SLC10A2: variants seen among roughly 807,000 people sequenced by gnomAD.
SLC10A2 encodes the protein solute carrier family 10 member 2.
A neutral mutation model predicts 27.1 loss-of-function variants in SLC10A2; 34 were observed. The ratio of observed to expected loss-of-function variants is 1.26; its 90% CI spans 0.96 to 1.67. The LOEUF (loss-of-function observed/expected upper bound fraction) is 1.67, where lower values mean the gene tolerates loss of function less well. Among genes scored for constraint, SLC10A2 ranks in the 40% most tolerant of loss-of-function variants. The pLI is 0.00. For missense variants in SLC10A2, 530 were observed against 444.4 expected (o/e 1.19, Z -1.73); for synonymous variants, 205 against 174.0 (o/e 1.18, Z -1.40).
chr13:103,065,647 G>A (rs1876249561), intron 1 of SLC10A2, among the ~76,000 whole-genome samples: 1 of 152,088 alleles, frequency 6.6e-6, no homozygotes, highest in Admixed American at 6.5e-5. Flanking sequence ...GCAACTCCCT[G>A]TTAACTGAGT....
At position 103,046,146 on chromosome 13, in the gene SLC10A2, G is replaced by C; in HGVS notation, c.1034C>G (p.Pro345Arg). The C allele has an allele frequency of 1.2e-6, 2 of 1,613,780 alleles. No homozygotes were observed. Among genetic ancestry groups the C allele is most frequent in the Non-Finnish European group, 1.7e-6 (2 of 1,179,832 alleles). Residue 345 changes from proline (P) to arginine (R), a missense_variant, in exon 6 of 6, where the codon CCT (proline) becomes CGT (arginine). Physicochemically the swap from Pro to Arg is moderately radical, Grantham distance 103. Transcript: ENST00000245312. ...TCCACTTGATGTCTACTTTTCGTCA[G>C]GTTGAAATCCTCCATTTGCCTTATA... is the stretch of plus-strand genomic sequence containing the variant. ...SFYKANGGFQ[P>R]DEK
intron 2 of SLC10A2, among the ~76,000 whole-genome samples, chr13:103,056,901 A>T (rs1288815080): frequency 6.6e-6 from 1 of 152,186 alleles, no homozygotes; most frequent in Non-Finnish European, 1.5e-5. Context: ...GGCTACAAAC[A>T]TTGTAATACA....
At chr13:103,054,891 A>G (rs773287036) in intron 2 of SLC10A2, among the ~76,000 whole-genome samples, 6 of 152,062 alleles carry the variant, frequency 3.9e-5, no homozygotes, top group Non-Finnish European at 7.3e-5. Context: ...TCATATGCCC[A>G]TGTTCTCTCT....
At chr13:103,060,631 C>T (rs1876088038) in intron 1 of SLC10A2, among the ~76,000 whole-genome samples, 1 of 152,124 alleles carries the variant, frequency 6.6e-6, no homozygotes, top group Admixed American at 6.5e-5. Context: ...TCGCCTAGGC[C>T]TTCCAAAGTG....
In SLC10A2 at chr13:103,044,838, T is replaced by C. The variant is rs1203022043; in HGVS notation, c.*1295A>G. ...CAGAATGAGGGAAAGGAAATTAAAT[T>C]CGATCTTATAATTGAAAGTCCAACA... On this transcript the variant is annotated 3_prime_UTR_variant, in exon 6 of 6. Coordinates refer to ENST00000245312, the MANE Select transcript of SLC10A2 (RefSeq NM_000452.3). The C allele has an allele frequency of 1.3e-5, 2 of 152,152 alleles. No homozygotes were observed. Among genetic ancestry groups the C allele is most frequent in the Non-Finnish European group, 2.9e-5 (2 of 68,030 alleles). The allele number at this position is 152,152 out of a possible 1,614,324, so 9.4% of individuals were successfully genotyped here. A position where few individuals can be genotyped will look rare whatever the true frequency, so the allele number is the denominator to read the frequency against.
At chr13:103,061,283 G>T (rs1236678470) in intron 1 of SLC10A2, among the ~76,000 whole-genome samples, 1 of 152,084 alleles carries the variant, frequency 6.6e-6, no homozygotes, top group Non-Finnish European at 1.5e-5. Flanking sequence ...AAGTACTGGA[G>T]TTTGAAGGTA....
chr13:103,055,123 C>G (rs973264038), intron 2 of SLC10A2, among the ~76,000 whole-genome samples: 1 of 152,168 alleles, frequency 6.6e-6, no homozygotes, highest in African/African-American at 2.4e-5. Flanking sequence ...ACTGTGGGAA[C>G]TGTGCAAATC....
Position 103,058,344 on chromosome 13 carries a change from C to T in SLC10A2, c.416G>A (p.Gly139Glu), listed in dbSNP as rs372818504. The part of the protein sequence containing the change: ...MTTCSTLLAL[G>E]MMPLCLLIYT... ...GATAAGGAGGCACAGCGGCATCATT[C>T]CGAGGGCAAGCAGTGTGGAGCATGT... is the stretch of plus-strand genomic sequence containing the variant. The change falls in exon 2 of 6, where the codon GGA becomes GAA. Residue 139 changes from glycine to glutamate, a missense_variant. Coordinates refer to ENST00000245312, the MANE Select transcript of SLC10A2 (RefSeq NM_000452.3). 3 of 1,613,776 alleles carry T rather than the reference C, an allele frequency of 1.9e-6. No homozygotes were observed. Among genetic ancestry groups the T allele is most frequent in the African/African-American group, 1.3e-5 (1 of 74,904 alleles).
chr13:103,049,556 T>C, intron 4 of SLC10A2, 110 bp from the exon 5 acceptor site: 1 of 1,087,170 alleles, frequency 9.2e-7, no homozygotes, highest in Non-Finnish European at 1.4e-6. Flanking sequence ...CTGCTTTTAA[T>C]GCATGTATTT....
chr13:103,058,635 G>A (rs996849277), intron 1 of SLC10A2, among the ~76,000 whole-genome samples: 1 of 152,074 alleles, frequency 6.6e-6, no homozygotes, highest in South Asian at 2.1e-4. Flanking sequence ...ATAGGCCCCA[G>A]TGTCTGTGTT....
intron 3 of SLC10A2, 121 bp from the exon 4 acceptor site, chr13:103,051,553 CT>C: frequency 9.3e-7 from 1 of 1,072,130 alleles, no homozygotes; most frequent in Non-Finnish European, 1.4e-6. Context: ...ATAAAGTTGT[CT>C]TTCTATGTAC....
At position 103,051,447 on chromosome 13, in the gene SLC10A2, A is replaced by T; in HGVS notation, c.586-15T>A. On this transcript the variant is annotated splice_polypyrimidine_tract_variant and intron_variant, in intron 3 of 5. Transcript: ENST00000245312. ...ATGGACCCAATCTGAAAAAAAAAGGAATAAGTGAACCCAGCAATCATGAGT... is the reference window on the plus strand; with the variant it reads ...ATGGACCCAATCTGAAAAAAAAAGGTATAAGTGAACCCAGCAATCATGAGT... 6.2e-7 allele frequency: 1 copy of T among 1,613,412 alleles called. No homozygotes were observed. Among genetic ancestry groups the T allele is most frequent in the Non-Finnish European group, 8.5e-7 (1 of 1,179,602 alleles).
At chr13:103,063,769 C>G (rs1267196531) in intron 1 of SLC10A2, among the ~76,000 whole-genome samples, 1 of 152,132 alleles carries the variant, frequency 6.6e-6, no homozygotes, top group Non-Finnish European at 1.5e-5. Context: ...GTGACATCTT[C>G]TTGTGTTTGT....
At chr13:103,053,888 G>C (rs1297238398) in intron 2 of SLC10A2, among the ~76,000 whole-genome samples, 2 of 152,066 alleles carry the variant, frequency 1.3e-5, no homozygotes, top group African/African-American at 4.8e-5. Flanking sequence ...GGAGTAAGGA[G>C]GGAATAATGG....
In SLC10A2 at chr13:103,052,037, C is replaced by T. The variant is rs751529765; in HGVS notation, c.585+583G>A. On this transcript the variant is annotated intron_variant, in intron 3 of 5. Transcript: ENST00000245312. ...AGGAATACAATGGACTTACTTTGCC[C>T]CGAGCAGCAGAATCTATCTATATTA... 2.6e-5 allele frequency among the ~76,000 whole-genome samples: 4 copies of T among 152,176 alleles called. No individual in the cohort carries two copies. The South Asian group carries it at 8.3e-4, about 32-fold the overall frequency.
intron 1 of SLC10A2, among the ~76,000 whole-genome samples, chr13:103,058,688 T>G (rs1276877080): frequency 6.6e-6 from 1 of 152,200 alleles, no homozygotes; most frequent in African/African-American, 2.4e-5. Flanking sequence ...AGCTCCCACT[T>G]ATAAGTGAGA....
At chr13:103,047,718 C>T (rs529860280) in intron 5 of SLC10A2, among the ~76,000 whole-genome samples, 1 of 152,142 alleles carries the variant, frequency 6.6e-6, no homozygotes, top group East Asian at 1.9e-4. Context: ...ATTTCAAGAC[C>T]GAGTTGAGTG....
chr13:103,052,694 A>G lies in SLC10A2; in HGVS notation c.511T>C (p.Ser171Pro). The G allele has an allele frequency of 6.2e-7, 1 of 1,606,226 alleles. No homozygotes were observed. Among genetic ancestry groups the G allele is most frequent in the Non-Finnish European group, 8.5e-7 (1 of 1,173,024 alleles). ...PYDNIGTSLV[S>P]LVVPVSIGMF... ...CCAATGGAAACAGGAACAACGAGAG[A>G]AACCAGAGATGTACCTAAAGATGAC... is the stretch of plus-strand genomic sequence containing the variant. The change falls in exon 3 of 6, where the codon TCT (serine) becomes CCT (proline). Residue 171 changes from serine (S) to proline (P), a missense_variant. Transcript: ENST00000245312.
chr13:103,051,808 G>C (rs779082600), intron 3 of SLC10A2, among the ~76,000 whole-genome samples: 9 of 152,122 alleles, frequency 5.9e-5, no homozygotes, highest in African/African-American at 2.2e-4. Context: ...TTTCTGAACT[G>C]TAGTTTCTTT....
Sources: allele counts gnomAD v4.1 joint callset (sites outside exome capture counted in the v4.1 genomes callset), GRCh38; gene constraint gnomAD v4.1.1; transcripts MANE v1.5; gene names NCBI Gene and HGNC (gene_info 2026-07-23, HGNC 2026-07-21).